Variants in ADAMTSL1 observed in about 807,000 individuals in gnomAD.
ADAMTSL1 encodes ADAMTS-like protein 1.
Under a neutral mutation model 201.8 loss-of-function variants are expected in ADAMTSL1, and 126 were observed. The ratio of observed to expected loss-of-function variants is 0.62; its 90% CI spans 0.54 to 0.72. ADAMTSL1 has a LOEUF of 0.72. ADAMTSL1 is among the 30% of genes least tolerant of loss of function. ADAMTSL1 has a pLI of 0.00. For missense variants in ADAMTSL1, 2,679 were observed against 2,277.8 expected (o/e 1.18, Z -3.59); for synonymous variants, 1,121 against 903.4 (o/e 1.24, Z -4.32).
intron 1 of ADAMTSL1, among the ~76,000 whole-genome samples, chr9:18,487,985 G>T (rs527698539): frequency 1.2e-4 from 18 of 152,248 alleles, no homozygotes; most frequent in Non-Finnish European, 2.5e-4. Context: ...ATTTTTAAAA[G>T]GGTTCGTAAT....
intron 9 of ADAMTSL1, among the ~76,000 whole-genome samples, chr9:18,668,998 T>A: frequency 6.6e-6 from 1 of 152,208 alleles, no homozygotes; most frequent in East Asian, 1.9e-4. Flanking sequence ...AAGACAGGCA[T>A]AAAGGCAGGC....
chr9:18,404,360 A>T (rs1818102788), intron 2 of ADAMTSL1, among the ~76,000 whole-genome samples: 1 of 152,182 alleles, frequency 6.6e-6, no homozygotes, highest in Non-Finnish European at 1.5e-5. Flanking sequence ...ATCATGAAGG[A>T]TTTTATGAAT....
chr9:18,319,390 AAC>A (rs999185095), intron 2 of ADAMTSL1, among the ~76,000 whole-genome samples: 11 of 152,238 alleles, frequency 7.2e-5, no homozygotes, highest in African/African-American at 2.6e-4. Flanking sequence ...TTAAATGCAA[AAC>A]AGTCTTAATG....
At chr9:18,333,900 A>T (rs1275499449) in intron 2 of ADAMTSL1, among the ~76,000 whole-genome samples, 1 of 152,180 alleles carries the variant, frequency 6.6e-6, no homozygotes, top group African/African-American at 2.4e-5. Flanking sequence ...AGGCCTGACC[A>T]TGGCAGCAGG....
intron 1 of ADAMTSL1, among the ~76,000 whole-genome samples, chr9:17,915,222 C>A (rs574330532): frequency 3.9e-5 from 6 of 152,270 alleles, no homozygotes; most frequent in East Asian, 1.9e-4. Context: ...ATAATGATCA[C>A]CAGACAAACA....
chr9:18,851,663 C>T (rs960485181), intron 23 of ADAMTSL1, among the ~76,000 whole-genome samples: 1 of 152,136 alleles, frequency 6.6e-6, no homozygotes, highest in Non-Finnish European at 1.5e-5. Flanking sequence ...TGGTTTGTGT[C>T]CTGTCTCTTC....
At chr9:18,410,788 T>C (rs1818404549) in intron 2 of ADAMTSL1, among the ~76,000 whole-genome samples, 1 of 152,024 alleles carries the variant, frequency 6.6e-6, no homozygotes, top group South Asian at 2.1e-4. Context: ...GTCTTTGCCC[T>C]GAATCTTTTA....
chr9:18,693,515 G>C (rs918630372), intron 13 of ADAMTSL1, among the ~76,000 whole-genome samples: 3 of 152,172 alleles, frequency 2.0e-5, no homozygotes, highest in Non-Finnish European at 4.4e-5. Flanking sequence ...ATAGGAAGAG[G>C]TTTGTATTTC....
chr9:18,419,025 A>G (rs950758558), intron 2 of ADAMTSL1, among the ~76,000 whole-genome samples: 4 of 152,214 alleles, frequency 2.6e-5, no homozygotes, highest in Non-Finnish European at 4.4e-5. Flanking sequence ...AAGTTCAGAA[A>G]TAGATTCATA....
intron 1 of ADAMTSL1, among the ~76,000 whole-genome samples, chr9:18,486,271 C>G (rs7864727): frequency 0.27 from 41,576 of 152,192 alleles, 6,405 homozygotes; most frequent in East Asian, 0.43. Context: ...TATCTGTATC[C>G]TAAAAAGTTA....
intron 1 of ADAMTSL1, among the ~76,000 whole-genome samples, chr9:18,043,718 C>A (rs937621390): frequency 6.6e-6 from 1 of 151,884 alleles, no homozygotes; most frequent in Non-Finnish European, 1.5e-5. Flanking sequence ...TTTATTAATG[C>A]TATATGAGCA....
chr9:18,543,683 A>G (rs1820298286), intron 3 of ADAMTSL1, among the ~76,000 whole-genome samples: 2 of 152,136 alleles, frequency 1.3e-5, no homozygotes, highest in Admixed American at 6.6e-5. Context: ...CTGTTTTATC[A>G]TTTGTGGCAT....
chr9:18,742,243 C>A (rs1818873481), intron 15 of ADAMTSL1, among the ~76,000 whole-genome samples: 1 of 152,146 alleles, frequency 6.6e-6, no homozygotes, highest in African/African-American at 2.4e-5. Context: ...CAATCCAACC[C>A]ATAATAAGGA....
rs1057069413 is a variant in ADAMTSL1, at chr9:18,341,580, A to G, written c.208-163249A>G. On this transcript the variant is annotated intron_variant, in intron 2 of 29. Transcript: ENST00000680146. ...ATGATGGCACTTATTGCACTGTATTATAATTGCTGGCACTGTGCTTGGATA... is the reference window on the plus strand; with the variant it reads ...ATGATGGCACTTATTGCACTGTATTGTAATTGCTGGCACTGTGCTTGGATA... 4.6e-5 allele frequency among the ~76,000 whole-genome samples: 7 copies of G among 152,122 alleles called. No individual in the cohort carries two copies. In the East Asian group the frequency reaches 5.8e-4, roughly 13 times the overall value.
chr9:17,940,753 C>A (rs563959148), intron 1 of ADAMTSL1, among the ~76,000 whole-genome samples: 165 of 144,010 alleles, frequency 1.1e-3, no homozygotes, highest in African/African-American at 4.1e-3. Flanking sequence ...AAATGAGACC[C>A]TAACTCGAAA....
intron 16 of ADAMTSL1, among the ~76,000 whole-genome samples, chr9:18,770,055 G>A (rs1397311586): frequency 6.6e-6 from 1 of 152,102 alleles, no homozygotes; most frequent in Admixed American, 6.5e-5. Flanking sequence ...ACTGCCCTAA[G>A]AAATCATCAG....
At chr9:18,659,647 A>G (rs1273545813) in intron 8 of ADAMTSL1, among the ~76,000 whole-genome samples, 2 of 152,178 alleles carry the variant, frequency 1.3e-5, no homozygotes, top group East Asian at 1.9e-4. Context: ...CGAGCCTGTA[A>G]TCCCAGCTAC....
chr9:18,307,533 G>C (rs567847827), intron 2 of ADAMTSL1, among the ~76,000 whole-genome samples: 13 of 152,178 alleles, frequency 8.5e-5, no homozygotes, highest in Middle Eastern at 3.4e-3. Context: ...AAAAAAAGCA[G>C]GGGTTGCAAT....
chr9:18,148,433 T>TA (rs1826755452), intron 1 of ADAMTSL1, among the ~76,000 whole-genome samples: 1 of 151,616 alleles, frequency 6.6e-6, no homozygotes, highest in South Asian at 2.1e-4. Flanking sequence ...GATCAGATAC[T>TA]AAAGTCAAGT....
Sources: gnomAD v4.1 joint callset for allele counts (sites outside exome capture counted in the v4.1 genomes callset) on GRCh38, gnomAD v4.1.1 for gene constraint, MANE v1.5 for transcripts, NCBI Gene and HGNC (gene_info 2026-07-23, HGNC 2026-07-21) for gene names.